METTL15: variants seen among roughly 807,000 people sequenced by gnomAD.
The protein encoded by METTL15 is methyltransferase 15, mitochondrial 12S rRNA N4-cytidine, also known as 12S rRNA N(4)-cytidine methyltransferase METTL15.
In METTL15, 34 loss-of-function variants were observed where a neutral mutation model predicts 38.3. The observed-to-expected ratio is 0.89, with a 90% CI of 0.68 to 1.18. The LOEUF (loss-of-function observed/expected upper bound fraction) is 1.18. METTL15 is among the 50% of genes most tolerant of loss of function. METTL15 has a pLI of 0.00. For missense variants in METTL15, 438 were observed against 498.4 expected (o/e 0.88, Z 1.15); for synonymous variants, 162 against 170.9 (o/e 0.95, Z 0.41).
chr11:28,381,555 T>G (rs1386548007), intron 5 of METTL15, among the ~76,000 whole-genome samples: 1 of 152,148 alleles, frequency 6.6e-6, no homozygotes, highest in Non-Finnish European at 1.5e-5. Flanking sequence ...TTTCATTCTT[T>G]TTTCTTTTTT....
At chr11:28,238,378 G>A (rs1854120617) in intron 4 of METTL15, among the ~76,000 whole-genome samples, 1 of 152,210 alleles carries the variant, frequency 6.6e-6, no homozygotes, top group Non-Finnish European at 1.5e-5. Flanking sequence ...CTAGCAATCA[G>A]CGAGACTCCG....
At chr11:28,375,478 T>C (rs1470154278) in intron 5 of METTL15, among the ~76,000 whole-genome samples, 1 of 151,860 alleles carries the variant, frequency 6.6e-6, no homozygotes, top group African/African-American at 2.4e-5. Flanking sequence ...TATTCTCTGA[T>C]GGTAGTTTGT....
At chr11:28,329,414 A>G (rs1439834418) in intron 6 of METTL15, among the ~76,000 whole-genome samples, 2 of 151,908 alleles carry the variant, frequency 1.3e-5, no homozygotes, top group Non-Finnish European at 2.9e-5. Flanking sequence ...TTTTCTTTCA[A>G]GATTATTTGG....
intron 3 of METTL15, among the ~76,000 whole-genome samples, chr11:28,339,006 A>T (rs1011416532): frequency 6.6e-6 from 1 of 152,140 alleles, no homozygotes; most frequent in South Asian, 2.1e-4. Flanking sequence ...AGAAACTAAG[A>T]GGAACTTTTG....
At chr11:28,254,448 T>C (rs913312846) in intron 4 of METTL15, among the ~76,000 whole-genome samples, 1 of 152,198 alleles carries the variant, frequency 6.6e-6, no homozygotes, top group Non-Finnish European at 1.5e-5. Flanking sequence ...CTTCACTTTA[T>C]TGATTGTATA....
At chr11:28,204,436 T>C (rs901532785) in intron 3 of METTL15, among the ~76,000 whole-genome samples, 3 of 11,486 alleles carry the variant, frequency 2.6e-4, no homozygotes, top group African/African-American at 1.5e-3. Flanking sequence ...TGAGTTTTCC[T>C]TTTTTTTTTT....
intron 6 of METTL15, among the ~76,000 whole-genome samples, chr11:28,324,143 A>G (rs950682098): frequency 1.5e-4 from 23 of 152,200 alleles, no homozygotes; most frequent in African/African-American, 5.1e-4. Context: ...AAGTATAAGG[A>G]AGAAACAGTT....
intron 3 of METTL15, among the ~76,000 whole-genome samples, chr11:28,125,095 G>A (rs937672917): frequency 2.0e-5 from 3 of 152,066 alleles, no homozygotes; most frequent in African/African-American, 4.8e-5. Flanking sequence ...TGTGAGAGAG[G>A]AATGTTGTAG....
At chr11:28,235,746 C>T (rs1225400661) in intron 4 of METTL15, among the ~76,000 whole-genome samples, 1 of 152,148 alleles carries the variant, frequency 6.6e-6, no homozygotes, top group African/African-American at 2.4e-5. Flanking sequence ...ATCATGTCAT[C>T]TGCAAACAGG....
intron 3 of METTL15, among the ~76,000 whole-genome samples, chr11:28,114,612 G>A (rs528541614): frequency 1.1e-3 from 172 of 151,932 alleles, no homozygotes; most frequent in Non-Finnish European, 1.7e-3. Flanking sequence ...TACCGTGGCC[G>A]GCTAATTTTT....
At chr11:28,326,608 A>G (rs1201974512) in intron 6 of METTL15, among the ~76,000 whole-genome samples, 2 of 151,564 alleles carry the variant, frequency 1.3e-5, no homozygotes, top group Non-Finnish European at 2.9e-5. Context: ...ACAGAGTCTC[A>G]CTCTGTCGCC....
chr11:28,118,575 A>AT (rs1017410528), intron 3 of METTL15, among the ~76,000 whole-genome samples: 1 of 152,100 alleles, frequency 6.6e-6, no homozygotes, highest in Non-Finnish European at 1.5e-5. Context: ...GAGAAAAAAA[A>AT]GTTTGGTTAT....
chr11:28,444,048 A>G (rs755054686), intron 6 of METTL15, among the ~76,000 whole-genome samples: 1 of 152,186 alleles, frequency 6.6e-6, no homozygotes, highest in Non-Finnish European at 1.5e-5. Flanking sequence ...ATAATTTTCA[A>G]TGGCTCAATT....
At chr11:28,381,652 A>G (rs901566572) in intron 5 of METTL15, among the ~76,000 whole-genome samples, 11 of 152,112 alleles carry the variant, frequency 7.2e-5, no homozygotes, top group African/African-American at 2.7e-4. Context: ...GAGAGCCTCT[A>G]ATGAATGTTT....
At chr11:28,267,160 C>CA (rs57831121) in intron 4 of METTL15, among the ~76,000 whole-genome samples, 1,915 of 52,796 alleles carry the variant, frequency 0.036, 28 homozygotes, top group Non-Finnish European at 0.047. Flanking sequence ...AACTCCATCT[C>CA]AAAAAAAAAA....
chr11:28,118,134 C>G (rs1852056664), intron 3 of METTL15, among the ~76,000 whole-genome samples: 1 of 152,048 alleles, frequency 6.6e-6, no homozygotes, highest in African/African-American at 2.4e-5. Flanking sequence ...TTTGATGTAA[C>G]AGGAACTTTA....
At chr11:28,254,794 A>G (rs1443981344) in intron 4 of METTL15, among the ~76,000 whole-genome samples, 2 of 152,090 alleles carry the variant, frequency 1.3e-5, no homozygotes, top group Non-Finnish European at 2.9e-5. Context: ...GTTGATGTAT[A>G]GATTTTTTTC....
rs116508240 is a variant in METTL15, at chr11:28,257,477, C to A, written c.408-32729C>A. 4.3e-3 allele frequency among the ~76,000 whole-genome samples: 657 copies of A among 152,294 alleles called. 8 individuals are homozygous for A. The highest frequency in any genetic ancestry group is 0.014 in the African/African-American group (593 of 41,558). On this transcript the variant is annotated intron_variant, in intron 4 of 6. Transcript: ENST00000407364. ...GTTATTATCCCTCTGAATAAACTTT[C>A]TATCCTTATCTGTCTCTCTAGACCT...
At chr11:28,408,907 A>C (rs1850699896) in intron 5 of METTL15, among the ~76,000 whole-genome samples, 1 of 152,174 alleles carries the variant, frequency 6.6e-6, no homozygotes, top group Non-Finnish European at 1.5e-5. Context: ...CCCTCTTTCA[A>C]CAATAACACA....
Sources: gnomAD v4.1 joint callset for allele counts (sites outside exome capture counted in the v4.1 genomes callset) on GRCh38, gnomAD v4.1.1 for gene constraint, MANE v1.5 for transcripts, NCBI Gene and HGNC (gene_info 2026-07-23, HGNC 2026-07-21) for gene names.